The following KCNK10 variants were observed in gnomAD, a reference collection of about 807,000 sequenced individuals.
The protein encoded by KCNK10 is potassium channel subfamily K member 10.
Under a neutral mutation model 47.7 loss-of-function variants are expected in KCNK10, and 25 were observed. That is an observed-to-expected ratio of 0.52 (90% CI 0.38 to 0.73). KCNK10 has a LOEUF of 0.73. Among genes scored for constraint, KCNK10 ranks in the 30% least tolerant of loss-of-function variants. The pLI, the probability that KCNK10 is intolerant of heterozygous loss-of-function variation, is 0.00. For missense variants in KCNK10, 563 were observed against 714.5 expected (o/e 0.79, Z 2.42); for synonymous variants, 303 against 285.6 (o/e 1.06, Z -0.61).
At chr14:88,315,139 T>C (rs993776249) in intron 1 of KCNK10, among the ~76,000 whole-genome samples, 1 of 152,184 alleles carries the variant, frequency 6.6e-6, no homozygotes, top group Non-Finnish European at 1.5e-5. Context: ...GACTATAACA[T>C]GTATTTAATC....
At chr14:88,301,126 A>C (rs2139789989) in intron 1 of KCNK10, among the ~76,000 whole-genome samples, 2 of 152,346 alleles carry the variant, frequency 1.3e-5, no homozygotes, top group South Asian at 4.1e-4. Flanking sequence ...CAGTGTTCTG[A>C]GAATGAGAAT....
intron 1 of KCNK10, among the ~76,000 whole-genome samples, chr14:88,294,323 AAG>A (rs1201336298): frequency 6.6e-6 from 1 of 152,256 alleles, no homozygotes; most frequent in African/African-American, 2.4e-5. Flanking sequence ...GTAAATCTGG[AAG>A]ACAGAGGAGG....
chr14:88,202,955 G>A (rs1885148794), intron 4 of KCNK10, among the ~76,000 whole-genome samples: 1 of 152,250 alleles, frequency 6.6e-6, no homozygotes, highest in African/African-American at 2.4e-5. Context: ...GGAACCCTGA[G>A]TGGGGTGGGC....
chr14:88,270,961 C>T (rs1887392726), intron 1 of KCNK10: 1 of 657,960 alleles, frequency 1.5e-6, no homozygotes, highest in Admixed American at 2.3e-5. Flanking sequence ...TCACAGGCCT[C>T]ACCCACTGCC....
chr14:88,273,691 G>A (rs116330789), intron 1 of KCNK10, among the ~76,000 whole-genome samples: 299 of 152,218 alleles, frequency 2.0e-3, no homozygotes, highest in African/African-American at 6.7e-3. Flanking sequence ...CCATGTTGAC[G>A]AGATGGACTT....
intron 2 of KCNK10, among the ~76,000 whole-genome samples, chr14:88,257,660 C>T (rs894776420): frequency 7.9e-5 from 12 of 152,216 alleles, no homozygotes; most frequent in Admixed American, 7.2e-4. Context: ...ATTTCAGCTC[C>T]TGCTGCCTCA....
At chr14:88,249,045 G>A (rs1410037263) in intron 2 of KCNK10, among the ~76,000 whole-genome samples, 1 of 152,118 alleles carries the variant, frequency 6.6e-6, no homozygotes, top group African/African-American at 2.4e-5. Context: ...TCCACGAATA[G>A]TTCTCTGTTC....
chr14:88,260,001 G>GGCATGATCTC lies in KCNK10; in HGVS notation c.402+3191_402+3200dup, dbSNP rs370584616. Among the ~76,000 whole-genome samples the GGCATGATCTC allele has an allele frequency of 9.1e-4, 139 of 152,148 alleles. No individual in the cohort carries two copies. Among genetic ancestry groups the GGCATGATCTC allele is most frequent in the African/African-American group, 3.3e-3 (136 of 41,514 alleles). On this transcript the variant is annotated intron_variant, in intron 2 of 6. Coordinates refer to ENST00000319231, the MANE Select transcript of KCNK10 (RefSeq NM_138317.3). The surrounding 1 kb of genome is among the most constrained non-coding windows in gnomAD (Gnocchi z 4.5). ...TCTGATGCCTAGGCTGGAGTGCAGT[G>GGCATGATCTC]GCATGATCTCGGCTCACTGCAACCT... is the stretch of plus-strand genomic sequence containing the variant.
intron 1 of KCNK10, among the ~76,000 whole-genome samples, chr14:88,266,012 A>T (rs1887242909): frequency 6.6e-6 from 1 of 152,166 alleles, no homozygotes; most frequent in African/African-American, 2.4e-5. Flanking sequence ...TCCCTTGCCC[A>T]GCACTCACTG....
At chr14:88,246,216 T>C (rs932630071) in intron 2 of KCNK10, among the ~76,000 whole-genome samples, 1 of 137,184 alleles carries the variant, frequency 7.3e-6, no homozygotes, top group African/African-American at 2.8e-5. Flanking sequence ...TGAGCCCAGA[T>C]CGCGCCACTG....
chr14:88,210,148 T>G (rs1885407832), intron 4 of KCNK10, among the ~76,000 whole-genome samples: 1 of 152,198 alleles, frequency 6.6e-6, no homozygotes, highest in Non-Finnish European at 1.5e-5. Context: ...ACCATTATTA[T>G]CCTCATTTTT....
intron 1 of KCNK10, among the ~76,000 whole-genome samples, chr14:88,274,794 A>G (rs1049703279): frequency 1.3e-5 from 2 of 152,138 alleles, no homozygotes; most frequent in African/African-American, 4.8e-5. Context: ...TATTCAACCA[A>G]TGCATGCCCC....
intron 1 of KCNK10, among the ~76,000 whole-genome samples, chr14:88,272,265 G>A (rs962392501): frequency 1.3e-5 from 2 of 152,212 alleles, no homozygotes; most frequent in African/African-American, 2.4e-5. Flanking sequence ...ATTATTAGGA[G>A]GTGAAGAAAA....
intron 4 of KCNK10, among the ~76,000 whole-genome samples, chr14:88,206,782 A>T (rs1169396083): frequency 6.6e-6 from 1 of 152,210 alleles, no homozygotes; most frequent in African/African-American, 2.4e-5. Flanking sequence ...TAGCTAGAAA[A>T]TTTGCATTGA....
chr14:88,268,152 G>C (rs1239621205), intron 1 of KCNK10, among the ~76,000 whole-genome samples: 1 of 152,174 alleles, frequency 6.6e-6, no homozygotes, highest in Non-Finnish European at 1.5e-5. Flanking sequence ...GAGGAGGTAA[G>C]CATCTTCCAG....
chr14:88,223,895 G>A (rs936781560), intron 4 of KCNK10, among the ~76,000 whole-genome samples: 1 of 151,982 alleles, frequency 6.6e-6, no homozygotes, highest in Non-Finnish European at 1.5e-5. Context: ...AAAAAAATGT[G>A]TGTGGCTGGG....
chr14:88,282,901 A>G (rs1887681383), intron 1 of KCNK10, among the ~76,000 whole-genome samples: 1 of 152,188 alleles, frequency 6.6e-6, no homozygotes, highest in Admixed American at 6.5e-5. Context: ...ATTCCAGAAG[A>G]CACCATTCAC....
chr14:88,279,990 T>C (rs1887613683), intron 1 of KCNK10, among the ~76,000 whole-genome samples: 2 of 152,348 alleles, frequency 1.3e-5, no homozygotes, highest in Non-Finnish European at 2.9e-5. Flanking sequence ...ACCATGATTC[T>C]GGGGCCTCCC....
intron 1 of KCNK10, among the ~76,000 whole-genome samples, chr14:88,281,757 TACAC>T (rs1022899380): frequency 1.4e-5 from 2 of 146,830 alleles, no homozygotes; most frequent in African/African-American, 5.0e-5. Context: ...TATATACACA[TACAC>T]ACACACACAT....
Sources: gnomAD v4.1 joint callset for allele counts (sites outside exome capture counted in the v4.1 genomes callset) on GRCh38, gnomAD v4.1.1 for gene constraint, Gnocchi (gnomAD v3.1) non-coding constraint, MANE v1.5 for transcripts, NCBI Gene and HGNC (gene_info 2026-07-23, HGNC 2026-07-21) for gene names.